The following ARHGAP15 variants were observed in gnomAD, a reference collection of about 807,000 sequenced individuals.
The protein encoded by ARHGAP15 is Rho GTPase activating protein 15, also known as rho GTPase-activating protein 15.
ARHGAP15 carries 51 observed loss-of-function variants against 63.7 expected under a neutral mutation model. That is an observed-to-expected ratio of 0.80 (90% CI 0.64 to 1.01). The LOEUF (loss-of-function observed/expected upper bound fraction) is 1.01, where lower values mean the gene tolerates loss of function less well. Among genes scored for constraint, ARHGAP15 ranks in the 50% least tolerant of loss-of-function variants. The pLI, the probability that ARHGAP15 is intolerant of heterozygous loss-of-function variation, is 0.00. For synonymous variants in ARHGAP15, 191 were observed against 193.8 expected (o/e 0.99, Z 0.12); for missense variants, 560 against 564.6 (o/e 0.99, Z 0.08).
At chr2:143,352,595 CCA>C (rs1037007482) in intron 6 of ARHGAP15, among the ~76,000 whole-genome samples, 2 of 152,044 alleles carry the variant, frequency 1.3e-5, no homozygotes, top group African/African-American at 4.8e-5. Flanking sequence ...ACCTGGAGAG[CCA>C]CAATACAAAT....
At chr2:143,285,637 A>G (rs577805110) in intron 6 of ARHGAP15, among the ~76,000 whole-genome samples, 1 of 152,310 alleles carries the variant, frequency 6.6e-6, no homozygotes, top group South Asian at 2.1e-4. Flanking sequence ...TTTTGTGAAA[A>G]GAGGATACAT....
At chr2:143,185,897 T>C (rs1691428663) in intron 2 of ARHGAP15, among the ~76,000 whole-genome samples, 1 of 152,158 alleles carries the variant, frequency 6.6e-6, no homozygotes, top group Admixed American at 6.6e-5. Flanking sequence ...TCTTTAACTT[T>C]AGACCCCAAA....
At chr2:143,360,430 T>C (rs1413323367) in intron 6 of ARHGAP15, among the ~76,000 whole-genome samples, 1 of 151,350 alleles carries the variant, frequency 6.6e-6, no homozygotes, top group Admixed American at 6.6e-5. Context: ...TTAATAAATA[T>C]CAAAAGATTA....
intron 13 of ARHGAP15, 39 bp downstream of exon 13, chr2:143,703,563 C>T: frequency 1.3e-6 from 2 of 1,492,804 alleles, no homozygotes; most frequent in Non-Finnish European, 9.2e-7. Flanking sequence ...ATTTTATAGT[C>T]ATTTCCTAAA....
chr2:143,230,387 G>A (rs567907489), intron 5 of ARHGAP15, among the ~76,000 whole-genome samples: 1 of 152,038 alleles, frequency 6.6e-6, no homozygotes, highest in Non-Finnish European at 1.5e-5. Context: ...CTCCCTTTTT[G>A]ATTGCAGGCA....
chr2:143,466,936 T>G (rs1691242875), intron 8 of ARHGAP15, among the ~76,000 whole-genome samples: 1 of 152,080 alleles, frequency 6.6e-6, no homozygotes, highest in African/African-American at 2.4e-5. Context: ...TGAGTAAAAT[T>G]CATATGGTTT....
chr2:143,188,141 C>T (rs1691520108), intron 2 of ARHGAP15, among the ~76,000 whole-genome samples: 1 of 152,072 alleles, frequency 6.6e-6, no homozygotes, highest in Non-Finnish European at 1.5e-5. Flanking sequence ...GCATTATGCA[C>T]TTTCCGTTAC....
chr2:143,516,560 T>C (rs1693829862), intron 9 of ARHGAP15, among the ~76,000 whole-genome samples: 1 of 152,208 alleles, frequency 6.6e-6, no homozygotes, highest in South Asian at 2.1e-4. Context: ...ATTACAAACT[T>C]CTCGATATTG....
At chr2:143,415,152 T>C (rs1688619088) in intron 6 of ARHGAP15, among the ~76,000 whole-genome samples, 1 of 152,150 alleles carries the variant, frequency 6.6e-6, no homozygotes, top group African/African-American at 2.4e-5. Context: ...TGTTTTGGTA[T>C]ATCCTAACTA....
intron 12 of ARHGAP15, among the ~76,000 whole-genome samples, chr2:143,645,317 G>C (rs1680817780): frequency 6.6e-6 from 1 of 152,034 alleles, no homozygotes; most frequent in South Asian, 2.1e-4. Flanking sequence ...AGTGTACTTA[G>C]ATTTGTACCA....
At chr2:143,459,598 T>C (rs1442111996) in intron 8 of ARHGAP15, among the ~76,000 whole-genome samples, 6 of 152,164 alleles carry the variant, frequency 3.9e-5, no homozygotes, top group Non-Finnish European at 5.9e-5. Flanking sequence ...ATACAATATT[T>C]GGAAATACAC....
chr2:143,498,960 C>A (rs1692937091), intron 9 of ARHGAP15, among the ~76,000 whole-genome samples: 2 of 152,106 alleles, frequency 1.3e-5, no homozygotes, highest in African/African-American at 4.8e-5. Flanking sequence ...AAGACACTTT[C>A]TAGATTCTTA....
At chr2:143,146,803 C>A (rs1307231337) in intron 1 of ARHGAP15, among the ~76,000 whole-genome samples, 1 of 152,034 alleles carries the variant, frequency 6.6e-6, no homozygotes, top group African/African-American at 2.4e-5. Context: ...CCTTTTGGCA[C>A]TGAAATTCAA....
chr2:143,516,958 G>GTTGTTGT, intron 9 of ARHGAP15, among the ~76,000 whole-genome samples: 1 of 151,784 alleles, frequency 6.6e-6, no homozygotes, highest in Non-Finnish European at 1.5e-5. Flanking sequence ...GTTGTTGTTG[G>GTTGTTGT]TGTTGTTTTG....
chr2:143,678,643 G>C (rs891786634), intron 12 of ARHGAP15, among the ~76,000 whole-genome samples: 2 of 152,280 alleles, frequency 1.3e-5, no homozygotes, highest in Admixed American at 1.3e-4. Flanking sequence ...GAAGAGAACA[G>C]AATGTTTTCC....
chr2:143,541,275 C>A (rs554258599), intron 10 of ARHGAP15, among the ~76,000 whole-genome samples: 1 of 152,122 alleles, frequency 6.6e-6, no homozygotes, highest in Non-Finnish European at 1.5e-5. Flanking sequence ...GTTATCCATT[C>A]GTCTAATTTT....
chr2:143,732,552 C>T (rs569754008), intron 13 of ARHGAP15, among the ~76,000 whole-genome samples: 1 of 152,218 alleles, frequency 6.6e-6, no homozygotes, highest in South Asian at 2.1e-4. Context: ...CACAACCTCA[C>T]ATTTAATTTT....
At position 143,231,069 on chromosome 2, in the gene ARHGAP15, C is replaced by CTTTTT. The variant is rs914904536; in HGVS notation, c.384+2416_384+2420dup. Among the ~76,000 whole-genome samples, 990 of 125,394 alleles carry CTTTTT rather than the reference C, an allele frequency of 7.9e-3. 32 individuals are homozygous for CTTTTT. Among genetic ancestry groups the CTTTTT allele is most frequent in the African/African-American group, 0.028 (930 of 33,354 alleles). 82.3% of individuals were successfully genotyped at this position (125,394 alleles called of 152,430 possible). On this transcript the variant is annotated intron_variant, in intron 5 of 13. Transcript: ENST00000295095. ...AGTTGGACTCTAGGGGATGTAATTC[C>CTTTTT]TTTTTTTTTTTTTTTTTTTACCACT...
At chr2:143,364,554 T>C (rs1686211949) in intron 6 of ARHGAP15, among the ~76,000 whole-genome samples, 1 of 152,148 alleles carries the variant, frequency 6.6e-6, no homozygotes, top group Non-Finnish European at 1.5e-5. Context: ...ACCAAGTAAA[T>C]GCTGGGAAAC....
Sources: gnomAD v4.1 joint callset for allele counts (sites outside exome capture counted in the v4.1 genomes callset) on GRCh38, gnomAD v4.1.1 for gene constraint, MANE v1.5 for transcripts, NCBI Gene and HGNC (gene_info 2026-07-23, HGNC 2026-07-21) for gene names.